The following P3H2 variants were observed in gnomAD, a reference collection of about 807,000 sequenced individuals.
P3H2 encodes the protein prolyl 3-hydroxylase 2, also known as leprecan-like 1.
Under a neutral mutation model 87.0 loss-of-function variants are expected in P3H2, and 80 were observed. The ratio of observed to expected loss-of-function variants is 0.92; its 90% CI spans 0.77 to 1.11. The LOEUF (loss-of-function observed/expected upper bound fraction) is 1.11. P3H2 is among the 50% of genes least tolerant of loss of function. The pLI, the probability that P3H2 is intolerant of heterozygous loss-of-function variation, is 0.00. For synonymous variants in P3H2, 367 were observed against 359.3 expected (o/e 1.02, Z -0.24); for missense variants, 1,001 against 923.9 (o/e 1.08, Z -1.08).
intron 3 of P3H2, among the ~76,000 whole-genome samples, chr3:189,989,644 T>C (rs1230467349): frequency 6.6e-6 from 1 of 152,244 alleles, no homozygotes; most frequent in Non-Finnish European, 1.5e-5. Flanking sequence ...TAAATTAGTC[T>C]ATCGCCTAGA....
intron 1 of P3H2, among the ~76,000 whole-genome samples, chr3:190,086,707 G>A (rs1727222662): frequency 6.6e-6 from 1 of 152,146 alleles, no homozygotes; most frequent in Admixed American, 6.5e-5. Context: ...GACTCAACCA[G>A]ACCAGCATCC....
At chr3:190,042,428 T>G (rs969174263) in intron 1 of P3H2, among the ~76,000 whole-genome samples, 1 of 150,702 alleles carries the variant, frequency 6.6e-6, no homozygotes, top group African/African-American at 2.4e-5. Context: ...TTGTAAGATT[T>G]TGTGTGTGTG....
chr3:190,061,197 C>T (rs1726321062), intron 1 of P3H2, among the ~76,000 whole-genome samples: 1 of 152,102 alleles, frequency 6.6e-6, no homozygotes, highest in African/African-American at 2.4e-5. Flanking sequence ...TTACTTGCCC[C>T]ACAAGTGCCT....
intron 8 of P3H2, among the ~76,000 whole-genome samples, chr3:189,979,099 C>T (rs1723444361): frequency 6.6e-6 from 1 of 151,906 alleles, no homozygotes; most frequent in African/African-American, 2.4e-5. Context: ...GCTAACAATC[C>T]CTATATGAGT....
chr3:190,092,255 T>C (rs905789654), intron 1 of P3H2, among the ~76,000 whole-genome samples: 2 of 150,626 alleles, frequency 1.3e-5, no homozygotes, highest in Admixed American at 6.6e-5. Context: ...ATCCAGTTGG[T>C]CTTAGCAACT....
chr3:189,980,157 C>T (rs185722805), intron 8 of P3H2, among the ~76,000 whole-genome samples: 125 of 152,256 alleles, frequency 8.2e-4, no homozygotes, highest in African/African-American at 3.0e-3. Context: ...AAATACTAAA[C>T]ACTGATAGGC....
At chr3:189,973,624 C>T (rs1486803738) in intron 10 of P3H2, among the ~76,000 whole-genome samples, 3 of 149,306 alleles carry the variant, frequency 2.0e-5, no homozygotes, top group Non-Finnish European at 3.0e-5. Context: ...CCCAGGTTCA[C>T]GCCATTCTCC....
At chr3:189,989,608 G>C (rs571190974) in intron 3 of P3H2, among the ~76,000 whole-genome samples, 1 of 152,020 alleles carries the variant, frequency 6.6e-6, no homozygotes, top group South Asian at 2.1e-4. Flanking sequence ...TAAACCTATT[G>C]GTCAGAAACC....
In P3H2 at chr3:189,983,211, A is replaced by G; in HGVS notation, c.1230-71T>C. 5.2e-6 allele frequency: 6 copies of G among 1,143,368 alleles called. No homozygotes were observed. In the South Asian group the frequency reaches 7.4e-5, roughly 14 times the overall value. The allele number at this position is 1,143,368 out of a possible 1,614,324, so 70.8% of individuals were successfully genotyped here. A position where few individuals can be genotyped will look rare whatever the true frequency, so the allele number is the denominator to read the frequency against. On this transcript the variant is annotated intron_variant, in intron 7 of 14. Coordinates refer to ENST00000319332, the MANE Select transcript of P3H2 (RefSeq NM_018192.4). ...GATGTTCAAAGGCAAAGAATACTTTACCAAGGTAGTCTGTGACTCTATATT... is the reference window on the plus strand; with the variant it reads ...GATGTTCAAAGGCAAAGAATACTTTGCCAAGGTAGTCTGTGACTCTATATT...
chr3:189,997,431 G>C (rs1023660369), intron 1 of P3H2, among the ~76,000 whole-genome samples: 1 of 152,122 alleles, frequency 6.6e-6, no homozygotes, highest in African/African-American at 2.4e-5. Context: ...AATTGTTGCT[G>C]AACAATATAA....
intron 1 of P3H2, among the ~76,000 whole-genome samples, chr3:190,098,179 C>T (rs138516725): frequency 6.6e-6 from 1 of 152,232 alleles, no homozygotes; most frequent in Non-Finnish European, 1.5e-5. Flanking sequence ...AGAACTTGAA[C>T]ATTTCAAAAT....
rs34608513 is a variant in P3H2 at position 189,966,123 on chromosome 3, AAAAGAAAGAAAGAAAGAAAGAAAGAAAG to A, written c.1894-2053_1894-2026del. On this transcript the variant is annotated intron_variant, in intron 13 of 14. Transcript: ENST00000319332. ...GAAAGAAAAAAGAAAGAAAGAAAGA[AAAAGAAAGAAAGAAAGAAAGAAAGAAAG>A]AAAGAAAGAAAGAAAGAAAGAAAGA... Among the ~76,000 whole-genome samples, 203 of 102,228 alleles carry A rather than the reference AAAAGAAAGAAAGAAAGAAAGAAAGAAAG, an allele frequency of 2.0e-3. 3 individuals are homozygous for A. The East Asian group carries it at 0.026, about 13-fold the overall frequency. 67.1% of individuals were successfully genotyped at this position (102,228 alleles called of 152,430 possible).
At chr3:190,119,732 G>C (rs533298863) in intron 1 of P3H2, among the ~76,000 whole-genome samples, 2 of 152,156 alleles carry the variant, frequency 1.3e-5, no homozygotes, top group Non-Finnish European at 2.9e-5. Context: ...GTAGGTGAAG[G>C]GGAGAAGAGA....
rs142360728 is a variant in P3H2, at chr3:190,062,164, T to C, written c.480+58088A>G. On this transcript the variant is annotated intron_variant, in intron 1 of 14. Transcript: ENST00000319332. ...TCACAGTCATTTTATATCAGTTGTG[T>C]TCATATGCTATCCATCCTTCAAAAT... Among the ~76,000 whole-genome samples the C allele has an allele frequency of 1.9e-3, 283 of 152,240 alleles. 2 individuals are homozygous for C. The highest frequency in any genetic ancestry group is 6.5e-3 in the African/African-American group (270 of 41,552).
chr3:190,061,263 G>A (rs1186495535), intron 1 of P3H2, among the ~76,000 whole-genome samples: 4 of 151,978 alleles, frequency 2.6e-5, no homozygotes, highest in Admixed American at 1.3e-4. Context: ...TTTAAATACC[G>A]TTCTGTGTTT....
chr3:190,043,066 T>A (rs762751385), intron 1 of P3H2, among the ~76,000 whole-genome samples: 1 of 152,182 alleles, frequency 6.6e-6, no homozygotes, highest in Non-Finnish European at 1.5e-5. Context: ...AGAGTAAGTA[T>A]AGGAAAGTGT....
rs145452351 is a variant in P3H2 at position 189,971,363 on chromosome 3, G to C, written c.1818-472C>G. 2.7e-4 allele frequency among the ~76,000 whole-genome samples: 41 copies of C among 152,298 alleles called. No homozygotes were observed. In the East Asian group the frequency reaches 7.5e-3, roughly 28 times the overall value. ...GGTGCTTAATAAATGTTTTGGAATC[G>C]AGTACAGTGTAGTAAGGATGAACAC... On this transcript the variant is annotated intron_variant, in intron 12 of 14. Transcript: ENST00000319332.
chr3:190,075,905 G>A (rs528484273), intron 1 of P3H2, among the ~76,000 whole-genome samples: 1 of 152,172 alleles, frequency 6.6e-6, no homozygotes, highest in Non-Finnish European at 1.5e-5. Flanking sequence ...CATTAGAAAT[G>A]TATTAACTTC....
At chr3:190,084,903 G>C (rs1727160845) in intron 1 of P3H2, among the ~76,000 whole-genome samples, 1 of 151,486 alleles carries the variant, frequency 6.6e-6, no homozygotes, top group African/African-American at 2.4e-5. Flanking sequence ...CTGTACCTAA[G>C]GGTAATTCCT....
Sources: gnomAD v4.1 joint callset for allele counts (sites outside exome capture counted in the v4.1 genomes callset) on GRCh38, gnomAD v4.1.1 for gene constraint, MANE v1.5 for transcripts, NCBI Gene and HGNC (gene_info 2026-07-23, HGNC 2026-07-21) for gene names.